The following ZNF273 variants were observed in gnomAD, a reference collection of about 807,000 sequenced individuals.
The protein encoded by ZNF273 is zinc finger protein 9.
ZNF273 carries 11 observed loss-of-function variants against 14.9 expected under a neutral mutation model. The ratio of observed to expected loss-of-function variants is 0.74; its 90% CI spans 0.46 to 1.22. The LOEUF is 1.22. Among genes scored for constraint, ZNF273 ranks in the 50% most tolerant of loss-of-function variants. The probability of loss-of-function intolerance (pLI) is 0.00; values close to 1 mark genes in which losing one functional copy is unlikely to be tolerated. For synonymous variants in ZNF273, 199 were observed against 223.9 expected, an observed-to-expected ratio of 0.89 and a Z score of 0.99; for missense variants, 577 against 660.6, an observed-to-expected ratio of 0.87 and a Z score of 1.39.
chr7:64,894,818 T>A (rs1792261215), downstream of ZNF273, among the ~76,000 whole-genome samples: 1 of 152,084 alleles, frequency 6.6e-6, no homozygotes, highest in African/African-American at 2.4e-5. Flanking sequence ...TAGTATTAGG[T>A]TTTACTTAGT....
intron 3 of ZNF273, chr7:64,897,298 G>A (rs1792421935): frequency 6.6e-6 from 1 of 152,196 alleles, no homozygotes; most frequent in African/African-American, 2.4e-5. Flanking sequence ...TGAAAGAAAA[G>A]TGTGTCTCTC....
In ZNF273 at chr7:64,922,369, C is replaced by G. The variant is rs942390936; in HGVS notation, c.325+4077C>G. On this transcript the variant is annotated intron_variant, in intron 3 of 3. Transcript: ENST00000476120. ...CCGGAGACAGAGTCTCCCTCTGTCACCCAGACTGGAGTGCAGTGGCATGAT... is the reference window on the plus strand; with the variant it reads ...CCGGAGACAGAGTCTCCCTCTGTCAGCCAGACTGGAGTGCAGTGGCATGAT... Among the ~76,000 whole-genome samples, 4 of 151,908 alleles carry G rather than the reference C, an allele frequency of 2.6e-5. No individual in the cohort carries two copies. The South Asian group carries it at 8.3e-4, about 32-fold the overall frequency.
At chr7:64,916,398 G>T (rs1793993776) in intron 1 of ZNF273, among the ~76,000 whole-genome samples, 1 of 148,226 alleles carries the variant, frequency 6.7e-6, no homozygotes, top group Non-Finnish European at 1.5e-5. Flanking sequence ...AATTAGCTGG[G>T]CATGGCAGCG....
chr7:64,930,567 A>C lies in ZNF273; in HGVS notation c.*1529A>C, dbSNP rs1246420333. 6.6e-6 allele frequency: 1 copy of C among 152,222 alleles called. No individual in the cohort carries two copies. Among genetic ancestry groups the C allele is most frequent in the African/African-American group, 2.4e-5 (1 of 41,460 alleles). 9.4% of individuals were successfully genotyped at this position (152,222 alleles called of 1,614,324 possible). ...ATTCAGTGAAGCGTTATTATGCCAC[A>C]AACTAACCTACCTCACCTTACTCAA... On this transcript the variant is annotated 3_prime_UTR_variant, in exon 4 of 4. Transcript: ENST00000476120.
chr7:64,879,266 C>T (rs1046686862), intron 2 of ZNF273, among the ~76,000 whole-genome samples: 6 of 152,078 alleles, frequency 3.9e-5, no homozygotes, highest in African/African-American at 1.4e-4. Flanking sequence ...GTAGTGATCT[C>T]GTTGTGGGGA....
Position 64,918,278 on chromosome 7 carries a change from T to TA in ZNF273, c.312dup (p.Ala105SerfsTer38). On this transcript the variant is annotated frameshift_variant, in exon 3 of 4. Coordinates refer to ENST00000476120, the MANE Select transcript of ZNF273 (RefSeq NM_021148.3). LOFTEE classifies it low-confidence loss of function (END_TRUNC). Reference sequence around the variant, plus strand: ...TGCAATATGAAGAGACATGCGATGGTAGCCAAACCCCCAGGTAGGTGAGAG... The same window carrying TA: ...TGCAATATGAAGAGACATGCGATGGTAAGCCAAACCCCCAGGTAGGTGAGAG... 6.4e-7 allele frequency: 1 copy of TA among 1,562,690 alleles called. No individual in the cohort carries two copies. Among genetic ancestry groups the TA allele is most frequent in the Non-Finnish European group, 8.7e-7 (1 of 1,150,070 alleles).
chr7:64,883,599 C>G (rs750199391), downstream of ZNF273, among the ~76,000 whole-genome samples: 1 of 152,198 alleles, frequency 6.6e-6, no homozygotes, highest in Non-Finnish European at 1.5e-5. Flanking sequence ...TCGCACAAGC[C>G]GTCCACACCA....
At chr7:64,899,780 G>A (rs1220700326), upstream of ZNF273, among the ~76,000 whole-genome samples, 1 of 143,824 alleles carries the variant, frequency 7.0e-6, no homozygotes, top group Non-Finnish European at 1.5e-5. Flanking sequence ...TTTTTTTTGA[G>A]ACAGAGTTTT....
At chr7:64,877,856 G>T (rs1219712951) in exon 1 of ZNF273, 1 of 152,212 alleles carries the variant, frequency 6.6e-6, no homozygotes, top group Non-Finnish European at 1.5e-5. Flanking sequence ...CTTGAAACTT[G>T]CCCCCCTGTG....
chr7:64,890,488 C>T (rs1791939523), downstream of ZNF273, among the ~76,000 whole-genome samples: 1 of 152,116 alleles, frequency 6.6e-6, no homozygotes, highest in Non-Finnish European at 1.5e-5. Context: ...CCCTGACAAG[C>T]TGGGGAGGAC....
chr7:64,885,377 A>G (rs1680612226), intron 1 of ZNF273, among the ~76,000 whole-genome samples: 1 of 152,210 alleles, frequency 6.6e-6, no homozygotes, highest in Admixed American at 6.5e-5. Context: ...AGAAAAGGTT[A>G]TTCCAGCCCT....
Position 64,928,272 on chromosome 7 carries a change from CA to C in ZNF273, c.948del (p.Lys316AsnfsTer23). 6.2e-7 allele frequency: 1 copy of C among 1,612,216 alleles called. No homozygotes were observed. The highest frequency in any genetic ancestry group is 8.5e-7 in the Non-Finnish European group (1 of 1,179,382). On this transcript the variant is annotated frameshift_variant, in exon 4 of 4. Transcript: ENST00000476120. LOFTEE classifies it low-confidence loss of function (END_TRUNC). ...LTKHKIIHTG[T>X]KPYNCEECGK... ...AAACATAAGATAATTCATACAGGAA[CA>C]AAACCCTACAATTGTGAAGAATGTG... is the stretch of plus-strand genomic sequence containing the variant.
downstream of ZNF273, chr7:64,882,758 G>A (rs1236328001): frequency 1.3e-5 from 2 of 152,460 alleles, no homozygotes; most frequent in Non-Finnish European, 1.5e-5. Flanking sequence ...ATCCGCAGGA[G>A]GCGTCAGGCC....
chr7:64,903,491 C>T (rs1414587435), intron 1 of ZNF273, 72 bp downstream of exon 1: 12 of 1,432,140 alleles, frequency 8.4e-6, no homozygotes, highest in Non-Finnish European at 1.2e-5. Context: ...GTGGATGTGG[C>T]GAGACTCCGG....
At chr7:64,936,579 A>T in the ZNF273 span, among the ~76,000 whole-genome samples, 1 of 152,238 alleles carries the variant, frequency 6.6e-6, no homozygotes, top group Admixed American at 6.5e-5. Flanking sequence ...TTGTTTATTT[A>T]TAGTACTCAA....
At chr7:64,904,156 T>G (rs1223242769) in intron 1 of ZNF273, among the ~76,000 whole-genome samples, 1 of 152,190 alleles carries the variant, frequency 6.6e-6, no homozygotes. Context: ...GGCAGCCATC[T>G]CGGCTCACTG....
downstream of ZNF273, among the ~76,000 whole-genome samples, chr7:64,934,205 A>ATT (rs35073259): frequency 6.6e-5 from 10 of 151,334 alleles, no homozygotes; most frequent in Admixed American, 1.3e-4. Context: ...AGTTTCTTAC[A>ATT]TTTTTTTTTA....
intron 1 of ZNF273, among the ~76,000 whole-genome samples, chr7:64,914,350 TAA>T (rs71567879): frequency 7.0e-6 from 1 of 143,448 alleles, no homozygotes; most frequent in Admixed American, 7.0e-5. Flanking sequence ...TTCTGCTATT[TAA>T]AAAAAAAAAA....
intron 3 of ZNF273, chr7:64,923,662 T>C (rs1430255192): frequency 4.2e-6 from 1 of 237,568 alleles, no homozygotes; most frequent in Non-Finnish European, 8.4e-6. Flanking sequence ...ATATTTCAGA[T>C]CATATCTACT....
Sources: gnomAD v4.1 joint callset for allele counts (sites outside exome capture counted in the v4.1 genomes callset) on GRCh38, gnomAD v4.1.1 for gene constraint, MANE v1.5 for transcripts, NCBI Gene and HGNC (gene_info 2026-07-23, HGNC 2026-07-21) for gene names.